The following ROR1 variants were observed in gnomAD, a reference collection of about 807,000 sequenced individuals.
ROR1 encodes inactive tyrosine-protein kinase transmembrane receptor ROR1.
A neutral mutation model predicts 78.8 loss-of-function variants in ROR1; 19 were observed. The observed-to-expected ratio is 0.24, with a 90% CI of 0.17 to 0.35. The LOEUF (loss-of-function observed/expected upper bound fraction) is 0.35, where lower values mean the gene tolerates loss of function less well. Among genes scored for constraint, ROR1 ranks in the 10% least tolerant of loss-of-function variants. The pLI is 1.00. For missense variants in ROR1, 917 were observed against 1,177.8 expected (o/e 0.78, Z 3.24); for synonymous variants, 386 against 433.6 (o/e 0.89, Z 1.36).
chr1:64,169,345 G>C (rs969315734), intron 8 of ROR1, among the ~76,000 whole-genome samples: 4 of 152,182 alleles, frequency 2.6e-5, no homozygotes, highest in African/African-American at 9.7e-5. Context: ...ATGGCAGAAG[G>C]CAAGGAGGAC....
At chr1:63,838,417 C>G (rs1645031379) in intron 1 of ROR1, among the ~76,000 whole-genome samples, 1 of 151,872 alleles carries the variant, frequency 6.6e-6, no homozygotes, top group South Asian at 2.1e-4. Flanking sequence ...AGGTGGAAGA[C>G]AGTGATATTG....
chr1:64,157,678 TG>T (rs1470875561), intron 7 of ROR1, among the ~76,000 whole-genome samples: 1 of 152,218 alleles, frequency 6.6e-6, no homozygotes, highest in Non-Finnish European at 1.5e-5. Flanking sequence ...AAGGACCTTT[TG>T]GGTCTTTTCA....
intron 4 of ROR1, chr1:64,094,843 G>A: frequency 6.6e-6 from 1 of 152,422 alleles, no homozygotes; most frequent in Non-Finnish European, 1.5e-5. Flanking sequence ...ACTCGCCTTG[G>A]CCTCCCAAAG....
intron 2 of ROR1, among the ~76,000 whole-genome samples, chr1:64,024,297 A>G (rs1646590741): frequency 6.6e-6 from 1 of 152,214 alleles, no homozygotes; most frequent in African/African-American, 2.4e-5. Flanking sequence ...CCTGGCCAAC[A>G]TGGTGAAACC....
In ROR1 at chr1:63,946,938, A is replaced by G. The variant is rs116090440; in HGVS notation, c.92-62367A>G. On this transcript the variant is annotated intron_variant, in intron 1 of 8. Transcript: ENST00000371079. ...AGACCTCTGACCCTTCTGAAGCCAT[A>G]CCTTTCACAGTCAGGTTTGCCTGAA... Among the ~76,000 whole-genome samples, 1,083 of 152,260 alleles carry G rather than the reference A, an allele frequency of 7.1e-3. 12 individuals are homozygous for G. Among genetic ancestry groups the G allele is most frequent in the African/African-American group, 0.025 (1,022 of 41,552 alleles).
chr1:64,001,936 T>C (rs550237182), intron 1 of ROR1, among the ~76,000 whole-genome samples: 9 of 152,154 alleles, frequency 5.9e-5, no homozygotes, highest in Admixed American at 3.9e-4. Context: ...ATATATTTCC[T>C]TGTGACATTT....
chr1:64,165,473 C>T (rs773209595), intron 8 of ROR1, among the ~76,000 whole-genome samples: 10 of 151,946 alleles, frequency 6.6e-5, no homozygotes, highest in Non-Finnish European at 8.8e-5. Flanking sequence ...AGACTTTCAC[C>T]GGATGCATAG....
At chr1:63,784,697 G>C (rs1644673235) in intron 1 of ROR1, among the ~76,000 whole-genome samples, 1 of 152,156 alleles carries the variant, frequency 6.6e-6, no homozygotes, top group Admixed American at 6.5e-5. Flanking sequence ...CTCTGAGACT[G>C]GCTTTCCTCA....
chr1:64,030,648 T>TG (rs1040913978), intron 2 of ROR1, among the ~76,000 whole-genome samples: 17 of 152,300 alleles, frequency 1.1e-4, no homozygotes, highest in African/African-American at 3.8e-4. Context: ...GAGAATGCTC[T>TG]GGGGGTGTTG....
chr1:64,116,800 C>T (rs536667444), intron 4 of ROR1, among the ~76,000 whole-genome samples: 8 of 152,270 alleles, frequency 5.3e-5, no homozygotes, highest in South Asian at 2.1e-4. Context: ...ACTCAAGTTC[C>T]GCCTTCTCCA....
In ROR1 at chr1:63,886,198, G is replaced by A. The variant is rs182403419; in HGVS notation, c.91+111690G>A. Among the ~76,000 whole-genome samples the A allele has an allele frequency of 8.3e-4, 126 of 152,264 alleles. 1 individual carries two copies. The highest frequency in any genetic ancestry group is 7.8e-4 in the Admixed American group (12 of 15,288). ...CTCAGGTGGTGATGTGAGCGATGAG[G>A]AGTGGCTATAAATACAGATGAAGCT... On this transcript the variant is annotated intron_variant, in intron 1 of 8. Coordinates refer to ENST00000371079, the MANE Select transcript of ROR1 (RefSeq NM_005012.4).
intron 1 of ROR1, among the ~76,000 whole-genome samples, chr1:63,996,199 CAAAGA>C (rs1436206232): frequency 6.6e-6 from 1 of 152,130 alleles, no homozygotes; most frequent in Non-Finnish European, 1.5e-5. Flanking sequence ...GATGTACCCC[CAAAGA>C]AACTGTAGAT....
chr1:64,030,934 A>AGGCTGGAGTGCAGT lies in ROR1; in HGVS notation c.164-18756_164-18755insGCTGGAGTGCAGTG, dbSNP rs1199830484. Among the ~76,000 whole-genome samples the AGGCTGGAGTGCAGT allele has an allele frequency of 1.6e-4, 24 of 152,286 alleles. 1 individual carries two copies. The highest frequency in any genetic ancestry group is 4.6e-4 in the African/African-American group (19 of 41,568). ...TGAGACAGGATCTCACTCTTCGCCC[A>AGGCTGGAGTGCAGT]GACATGATCACAGCTCACTGCAGCC... On this transcript the variant is annotated intron_variant, in intron 2 of 8. Transcript: ENST00000371079.
At chr1:63,840,138 T>C (rs1645040390) in intron 1 of ROR1, among the ~76,000 whole-genome samples, 1 of 152,192 alleles carries the variant, frequency 6.6e-6, no homozygotes, top group African/African-American at 2.4e-5. Flanking sequence ...ACTTTGGATT[T>C]TGTGCATCCA....
At chr1:64,053,364 T>C (rs1424981179) in intron 4 of ROR1, among the ~76,000 whole-genome samples, 2 of 152,198 alleles carry the variant, frequency 1.3e-5, no homozygotes, top group Non-Finnish European at 2.9e-5. Context: ...AAGGCACTTG[T>C]CACTTCCTCT....
At chr1:63,838,029 C>T (rs61765124) in intron 1 of ROR1, among the ~76,000 whole-genome samples, 1,657 of 152,104 alleles carry the variant, frequency 0.011, 14 homozygotes, top group Non-Finnish European at 0.018. Context: ...GTGTATTACT[C>T]ATGTGTTTGT....
chr1:63,885,018 A>G (rs373093127), intron 1 of ROR1, among the ~76,000 whole-genome samples: 11 of 152,270 alleles, frequency 7.2e-5, no homozygotes, highest in African/African-American at 2.2e-4. Flanking sequence ...TTTCCACTCT[A>G]AAAATGTGAG....
chr1:63,931,256 T>G (rs1175823155), intron 1 of ROR1, among the ~76,000 whole-genome samples: 1 of 152,202 alleles, frequency 6.6e-6, no homozygotes, highest in Non-Finnish European at 1.5e-5. Flanking sequence ...TACTCCAACC[T>G]GGGTGACAGA....
intron 6 of ROR1, among the ~76,000 whole-genome samples, chr1:64,141,870 G>A (rs146375249): frequency 1.3e-5 from 2 of 152,132 alleles, no homozygotes; most frequent in Admixed American, 1.3e-4. Context: ...GGCCACGTGC[G>A]AGGTCTTCTT....
Sources: gnomAD v4.1 joint callset for allele counts (sites outside exome capture counted in the v4.1 genomes callset) on GRCh38, gnomAD v4.1.1 for gene constraint, MANE v1.5 for transcripts, NCBI Gene and HGNC (gene_info 2026-07-23, HGNC 2026-07-21) for gene names.